Variants in EBF2 observed in about 807,000 individuals in gnomAD.
EBF2 encodes the protein transcription factor COE2.
EBF2 carries 21 observed loss-of-function variants against 72.8 expected under a neutral mutation model. The ratio of observed to expected loss-of-function variants is 0.29; its 90% CI spans 0.20 to 0.42. The LOEUF (loss-of-function observed/expected upper bound fraction) is 0.42. Among genes scored for constraint, EBF2 ranks in the 10% least tolerant of loss-of-function variants. The pLI is 1.00. For missense variants in EBF2, 637 were observed against 731.2 expected (o/e 0.87, Z 1.49); for synonymous variants, 299 against 274.2 (o/e 1.09, Z -0.89).
At chr8:26,026,880 T>C (rs1454386685) in intron 6 of EBF2, among the ~76,000 whole-genome samples, 1 of 152,240 alleles carries the variant, frequency 6.6e-6, no homozygotes, top group African/African-American at 2.4e-5. Flanking sequence ...ACATAACTCC[T>C]TCAAACTTGA....
At chr8:26,020,756 A>G (rs191358559) in intron 6 of EBF2, among the ~76,000 whole-genome samples, 96 of 151,782 alleles carry the variant, frequency 6.3e-4, no homozygotes, top group African/African-American at 2.2e-3. Context: ...TCAAAGTCAG[A>G]TTTTTTTTTC....
At chr8:25,963,874 A>G (rs1157293738) in intron 6 of EBF2, among the ~76,000 whole-genome samples, 3 of 152,216 alleles carry the variant, frequency 2.0e-5, no homozygotes, top group Non-Finnish European at 2.9e-5. Flanking sequence ...AATAATGTTT[A>G]CTTGTAGTAC....
At chr8:25,970,274 A>G (rs1457085293) in intron 6 of EBF2, among the ~76,000 whole-genome samples, 1 of 152,154 alleles carries the variant, frequency 6.6e-6, no homozygotes, top group East Asian at 1.9e-4. Flanking sequence ...CCAAAGCGTA[A>G]GTGAAAGTCT....
chr8:25,980,461 A>G (rs1470774599), intron 6 of EBF2, among the ~76,000 whole-genome samples: 4 of 152,204 alleles, frequency 2.6e-5, no homozygotes, highest in Non-Finnish European at 5.9e-5. Context: ...AAGAAAGATC[A>G]AAAAGAAAAA....
chr8:26,028,972 T>G (rs1805348746), intron 6 of EBF2, among the ~76,000 whole-genome samples: 2 of 152,106 alleles, frequency 1.3e-5, no homozygotes, highest in African/African-American at 2.4e-5. Context: ...TGCCCAAGAA[T>G]TCACAAAAGC....
chr8:25,991,926 A>C (rs1197715138), intron 6 of EBF2, among the ~76,000 whole-genome samples: 1 of 152,190 alleles, frequency 6.6e-6, no homozygotes, highest in Non-Finnish European at 1.5e-5. Flanking sequence ...ACTGAGCAGC[A>C]ATAGACTAGC....
intron 1 of EBF2, among the ~76,000 whole-genome samples, chr8:26,043,174 C>T (rs1805636349): frequency 6.6e-6 from 1 of 152,220 alleles, no homozygotes; most frequent in Non-Finnish European, 1.5e-5. Context: ...CCCAGCCAAC[C>T]GGTCGCAGTC....
At chr8:25,916,613 C>T (rs1803221326) in intron 6 of EBF2, among the ~76,000 whole-genome samples, 1 of 151,864 alleles carries the variant, frequency 6.6e-6, no homozygotes, top group East Asian at 1.9e-4. Flanking sequence ...AAGAACTTCC[C>T]TTAATTTTTA....
intron 10 of EBF2, among the ~76,000 whole-genome samples, chr8:25,871,675 T>A (rs1802441797): frequency 6.6e-6 from 1 of 152,292 alleles, no homozygotes; most frequent in South Asian, 2.1e-4. Flanking sequence ...GTCATTCGGG[T>A]TTGCTTAAGG....
At chr8:25,908,354 T>C in intron 7 of EBF2, 120 bp downstream of exon 7, 1 of 727,884 alleles carries the variant, frequency 1.4e-6, no homozygotes, top group Non-Finnish European at 2.3e-6. Context: ...CCATTGTCTT[T>C]TTTATTGTTA....
chr8:26,034,758 T>C (rs552630042), intron 5 of EBF2, among the ~76,000 whole-genome samples: 4 of 152,344 alleles, frequency 2.6e-5, no homozygotes, highest in Admixed American at 1.3e-4. Context: ...CCATACTGGT[T>C]GGAGAATATG....
At chr8:25,944,476 C>G (rs1231271472) in intron 6 of EBF2, among the ~76,000 whole-genome samples, 2 of 151,866 alleles carry the variant, frequency 1.3e-5, no homozygotes, top group Admixed American at 1.3e-4. Flanking sequence ...GCATCTAGCA[C>G]AGGACTTTCT....
At chr8:25,944,167 G>A (rs1002091014) in intron 6 of EBF2, among the ~76,000 whole-genome samples, 2 of 152,214 alleles carry the variant, frequency 1.3e-5, no homozygotes, top group Non-Finnish European at 2.9e-5. Flanking sequence ...ATAGGGCAGG[G>A]TTCCAGCTCT....
intron 6 of EBF2, among the ~76,000 whole-genome samples, chr8:25,920,919 G>A (rs926033629): frequency 6.6e-6 from 1 of 152,038 alleles, no homozygotes; most frequent in Non-Finnish European, 1.5e-5. Context: ...AAAAGTTGGT[G>A]GGGGTGGGGA....
rs542479198 is a variant in EBF2, at chr8:25,846,949, T to C, written c.1697-2309A>G. Among the ~76,000 whole-genome samples the C allele has an allele frequency of 7.2e-5, 11 of 152,034 alleles. No homozygotes were observed. The East Asian group carries it at 2.1e-3, about 29-fold the overall frequency. On this transcript the variant is annotated intron_variant, in intron 15 of 15. Transcript: ENST00000520164. ...ATCTCCCTTTGAACCAGGTGGAAAG[T>C]AGGTATGGGGGTAGGGGGTATAGGG... is the stretch of plus-strand genomic sequence containing the variant.
At chr8:26,034,382 G>A (rs895184634) in intron 5 of EBF2, among the ~76,000 whole-genome samples, 4 of 152,154 alleles carry the variant, frequency 2.6e-5, no homozygotes, top group Non-Finnish European at 5.9e-5. Context: ...TCCCTCTTGT[G>A]CTGGGTACCT....
At chr8:25,895,688 T>C (rs1483842491) in intron 7 of EBF2, among the ~76,000 whole-genome samples, 1 of 152,198 alleles carries the variant, frequency 6.6e-6, no homozygotes, top group Non-Finnish European at 1.5e-5. Flanking sequence ...GGAGCTGAGT[T>C]GTAAAGGAGC....
intron 6 of EBF2, among the ~76,000 whole-genome samples, chr8:25,992,494 T>A (rs1804560937): frequency 6.6e-6 from 1 of 152,096 alleles, no homozygotes; most frequent in Admixed American, 6.5e-5. Flanking sequence ...CATTTGGTGG[T>A]GCGCTTGGTC....
At chr8:25,894,999 C>A (rs922762425) in intron 7 of EBF2, among the ~76,000 whole-genome samples, 3 of 152,216 alleles carry the variant, frequency 2.0e-5, no homozygotes, top group Admixed American at 6.5e-5. Flanking sequence ...CTAAGGCTGT[C>A]ACTCTATTGG....
Sources: allele counts gnomAD v4.1 joint callset (sites outside exome capture counted in the v4.1 genomes callset), GRCh38; gene constraint gnomAD v4.1.1; transcripts MANE v1.5; gene names NCBI Gene and HGNC (gene_info 2026-07-23, HGNC 2026-07-21).